The following ANK2 variants were observed in gnomAD, a reference collection of about 807,000 sequenced individuals.
The protein encoded by ANK2 is ankyrin 2, also known as ankyrin-2.
ANK2 carries 83 observed loss-of-function variants against 360.5 expected under a neutral mutation model. That is an observed-to-expected ratio of 0.23 (90% CI 0.19 to 0.28). The LOEUF (loss-of-function observed/expected upper bound fraction) is 0.28. ANK2 is among the 10% of genes least tolerant of loss of function. ANK2 has a pLI of 1.00. For synonymous variants in ANK2, 1,740 were observed against 1,759.5 expected (o/e 0.99, Z 0.28); for missense variants, 4,201 against 4,795.7 (o/e 0.88, Z 3.66).
chr4:113,100,210 AT>A (rs1367286592), intron 1 of ANK2, among the ~76,000 whole-genome samples: 3 of 152,220 alleles, frequency 2.0e-5, no homozygotes, highest in African/African-American at 7.2e-5. Flanking sequence ...AAGAAAAAAA[AT>A]CTTTGCAAAA....
At chr4:112,724,255 G>A in the ANK2 span, among the ~76,000 whole-genome samples, 1 of 151,948 alleles carries the variant, frequency 6.6e-6, no homozygotes, top group Non-Finnish European at 1.5e-5. Flanking sequence ...TGTAGAGACA[G>A]TGTCTCACCA....
In ANK2 at chr4:113,354,861, T is replaced by G; in HGVS notation, c.6243T>G (p.Ala2081=). ...TAGGAGTTAAGAAAGAAGATGCAGC[T>G]GGAGGAAAGGAGAAAGTTCTCAGCC... ...SSIGVKKEDA[A]GGKEKVLSHK... The change falls in exon 38 of 46, where the codon GCT becomes GCG. Residue 2081 remains alanine (A), a synonymous_variant. Transcript: ENST00000357077. 1 of 1,613,982 alleles carries G rather than the reference T, an allele frequency of 6.2e-7. No individual in the cohort carries two copies. Among genetic ancestry groups the G allele is most frequent in the South Asian group, 1.1e-5 (1 of 91,066 alleles).
At chr4:113,146,998 A>G (rs1213178382) in intron 1 of ANK2, among the ~76,000 whole-genome samples, 1 of 152,184 alleles carries the variant, frequency 6.6e-6, no homozygotes, top group Admixed American at 6.5e-5. Context: ...CAATGTCATC[A>G]TTTCTTAGCA....
At chr4:112,803,939 TAGAG>T in the ANK2 span, among the ~76,000 whole-genome samples, 4 of 151,872 alleles carry the variant, frequency 2.6e-5, no homozygotes, top group African/African-American at 7.3e-5. Flanking sequence ...AATAGTGTAA[TAGAG>T]AGAATAGTAT....
chr4:113,031,338 C>G (rs1233783426), intron 2 of ANK2: 1 of 151,872 alleles, frequency 6.6e-6, no homozygotes, highest in African/African-American at 2.4e-5. Context: ...TTATCTTTCC[C>G]TGAACCCATT....
intron 1 of ANK2, among the ~76,000 whole-genome samples, chr4:112,868,114 A>G (rs569798867): frequency 6.6e-6 from 1 of 152,342 alleles, no homozygotes; most frequent in East Asian, 1.9e-4. Flanking sequence ...GTGAAGTGAT[A>G]TATCATTATG....
chr4:112,807,613 T>C, the ANK2 span, among the ~76,000 whole-genome samples: 1 of 152,194 alleles, frequency 6.6e-6, no homozygotes, highest in Admixed American at 6.5e-5. Flanking sequence ...AAATAGGTGG[T>C]TTGTGAGTAC....
chr4:113,326,331 A>T (rs2089896420), intron 26 of ANK2, among the ~76,000 whole-genome samples: 1 of 152,320 alleles, frequency 6.6e-6, no homozygotes, highest in East Asian at 1.9e-4. Context: ...TAGACTTTTC[A>T]TCAGCACCTA....
chr4:113,335,109 C>T (rs569425855), intron 29 of ANK2, among the ~76,000 whole-genome samples: 1 of 152,200 alleles, frequency 6.6e-6, no homozygotes, highest in Non-Finnish European at 1.5e-5. Flanking sequence ...TGCACATTTT[C>T]TAAATTTAAA....
At chr4:113,189,233 G>A (rs2098607278) in intron 2 of ANK2, among the ~76,000 whole-genome samples, 2 of 152,126 alleles carry the variant, frequency 1.3e-5, no homozygotes, top group Admixed American at 6.5e-5. Flanking sequence ...TTATAATGAT[G>A]GAAAACAGAG....
chr4:112,938,322 C>G (rs1302253770), intron 2 of ANK2, among the ~76,000 whole-genome samples: 1 of 152,182 alleles, frequency 6.6e-6, no homozygotes, highest in Non-Finnish European at 1.5e-5. Context: ...GAACACACAT[C>G]TCTAGATTCC....
At chr4:112,818,550 A>C (rs1272718646) in intron 1 of ANK2, among the ~76,000 whole-genome samples, 1 of 152,100 alleles carries the variant, frequency 6.6e-6, no homozygotes, top group Non-Finnish European at 1.5e-5. Context: ...GAATTGATTT[A>C]TTTGAGATTC....
intron 1 of ANK2, among the ~76,000 whole-genome samples, chr4:113,103,748 ATGTAAAGCT>A (rs1162987897): frequency 6.6e-6 from 1 of 152,180 alleles, no homozygotes; most frequent in Non-Finnish European, 1.5e-5. Context: ...AAAGTCAGCT[ATGTAAAGCT>A]GATAGAGTAT....
intron 1 of ANK2, among the ~76,000 whole-genome samples, chr4:112,871,621 A>T (rs939882816): frequency 2.0e-5 from 3 of 152,174 alleles, no homozygotes; most frequent in Non-Finnish European, 4.4e-5. Context: ...CCAAATTGCC[A>T]TTGCTAGAGC....
At chr4:112,780,858 G>A in the ANK2 span, among the ~76,000 whole-genome samples, 19 of 151,938 alleles carry the variant, frequency 1.3e-4, no homozygotes, top group African/African-American at 4.1e-4. Flanking sequence ...TGACATGTGG[G>A]GATTATCAGG....
At chr4:113,363,496 G>A (rs1275580310) in intron 40 of ANK2, 27 bp downstream of exon 40, 8 of 1,612,338 alleles carry the variant, frequency 5.0e-6, no homozygotes, top group Non-Finnish European at 6.8e-6. Flanking sequence ...ATGCATATTG[G>A]GCTAAAGTTG....
chr4:113,134,154 A>T (rs991000612), intron 1 of ANK2, among the ~76,000 whole-genome samples: 10 of 152,140 alleles, frequency 6.6e-5, no homozygotes, highest in African/African-American at 2.2e-4. Flanking sequence ...TGTCATCAAC[A>T]GGAATCTCTT....
intron 2 of ANK2, among the ~76,000 whole-genome samples, chr4:112,979,362 G>T (rs374588551): frequency 5.8e-4 from 89 of 152,334 alleles, no homozygotes; most frequent in African/African-American, 1.9e-3. Flanking sequence ...CTGGGAACAC[G>T]GTGGTGCCTG....
At chr4:113,208,876 A>G (rs537627037) in intron 4 of ANK2, among the ~76,000 whole-genome samples, 1 of 151,978 alleles carries the variant, frequency 6.6e-6, no homozygotes, top group East Asian at 1.9e-4. Context: ...ACATCCCTAA[A>G]AGAAATATAA....
Sources: allele counts gnomAD v4.1 joint callset (sites outside exome capture counted in the v4.1 genomes callset), GRCh38; gene constraint gnomAD v4.1.1; transcripts MANE v1.5; gene names NCBI Gene and HGNC (gene_info 2026-07-23, HGNC 2026-07-21).